The following TENM2 variants were observed in gnomAD, a reference collection of about 807,000 sequenced individuals.
TENM2 encodes teneurin-2.
In TENM2, 52 loss-of-function variants were observed where a neutral mutation model predicts 245.2. The observed-to-expected ratio is 0.21, with a 90% CI of 0.17 to 0.27. TENM2 has a LOEUF of 0.27. Ranked by LOEUF, TENM2 falls within the 10% of genes least tolerant of loss-of-function variation. The pLI is 1.00. For missense variants in TENM2, 3,046 were observed against 3,666.8 expected (o/e 0.83, Z 4.37); for synonymous variants, 1,363 against 1,438.9 (o/e 0.95, Z 1.19).
intron 23 of TENM2, among the ~76,000 whole-genome samples, chr5:168,223,260 G>T (rs1763827663): frequency 1.3e-5 from 2 of 152,284 alleles, no homozygotes; most frequent in South Asian, 4.1e-4. Flanking sequence ...CCTATGCATT[G>T]TAAGTGTCCC....
chr5:167,409,400 T>G (rs556077557), intron 2 of TENM2, among the ~76,000 whole-genome samples: 10 of 152,108 alleles, frequency 6.6e-5, no homozygotes, highest in African/African-American at 2.2e-4. Context: ...CAAGGAACTT[T>G]CATATCCTGA....
intron 2 of TENM2, among the ~76,000 whole-genome samples, chr5:167,866,830 T>C (rs926418463): frequency 6.6e-6 from 1 of 152,162 alleles, no homozygotes; most frequent in Non-Finnish European, 1.5e-5. Flanking sequence ...CTGTCCAACA[T>C]GGTAGCCACT....
At chr5:167,145,253 T>C in the TENM2 span, among the ~76,000 whole-genome samples, 6 of 152,346 alleles carry the variant, frequency 3.9e-5, no homozygotes, top group Admixed American at 3.9e-4. Flanking sequence ...TATTACTCAA[T>C]CAGCGCAGAG....
At chr5:167,777,337 A>G (rs987279886) in intron 2 of TENM2, among the ~76,000 whole-genome samples, 2 of 152,214 alleles carry the variant, frequency 1.3e-5, no homozygotes, top group African/African-American at 4.8e-5. Context: ...CTTTTCCTAT[A>G]TTATTTAAAT....
chr5:167,832,203 G>C (rs1010033189), intron 2 of TENM2, among the ~76,000 whole-genome samples: 3 of 152,196 alleles, frequency 2.0e-5, no homozygotes, highest in Non-Finnish European at 4.4e-5. Flanking sequence ...AAAGAGGAAA[G>C]TATTTAGAGG....
intron 1 of TENM2, among the ~76,000 whole-genome samples, chr5:167,343,925 A>T (rs989286971): frequency 6.6e-6 from 1 of 152,006 alleles, no homozygotes; most frequent in Admixed American, 6.6e-5. Flanking sequence ...TACCACCATC[A>T]TAAGATATAT....
intron 2 of TENM2, among the ~76,000 whole-genome samples, chr5:167,664,753 G>A (rs1305527492): frequency 6.6e-6 from 1 of 152,168 alleles, no homozygotes; most frequent in African/African-American, 2.4e-5. Context: ...TCAGTATTTT[G>A]TCTTTTATAG....
intron 13 of TENM2, among the ~76,000 whole-genome samples, chr5:168,178,860 C>A (rs1308786872): frequency 1.3e-5 from 2 of 152,000 alleles, no homozygotes; most frequent in Non-Finnish European, 2.9e-5. Flanking sequence ...CACTTTAATT[C>A]CAGCACTGTA....
At chr5:167,950,628 A>T (rs1780011054) in intron 3 of TENM2, among the ~76,000 whole-genome samples, 1 of 152,184 alleles carries the variant, frequency 6.6e-6, no homozygotes, top group African/African-American at 2.4e-5. Flanking sequence ...AGAGGGGGAA[A>T]GAAAGGCATG....
At chr5:168,234,873 A>G (rs184370545) in intron 25 of TENM2, among the ~76,000 whole-genome samples, 1 of 152,362 alleles carries the variant, frequency 6.6e-6, no homozygotes, top group East Asian at 1.9e-4. Context: ...ATAATCTTCC[A>G]TCATGATATT....
chr5:167,911,407 G>A (rs1207408754), intron 3 of TENM2, among the ~76,000 whole-genome samples: 2 of 152,114 alleles, frequency 1.3e-5, no homozygotes, highest in African/African-American at 2.4e-5. Context: ...GGCGCCTGTA[G>A]TCCCAGCTAC....
chr5:168,051,646 T>C (rs1300927265), intron 6 of TENM2, among the ~76,000 whole-genome samples: 1 of 152,174 alleles, frequency 6.6e-6, no homozygotes, highest in Non-Finnish European at 1.5e-5. Context: ...CATTGGAAGA[T>C]GCACTATAAT....
intron 5 of TENM2, among the ~76,000 whole-genome samples, chr5:168,001,953 A>G (rs75437447): frequency 0.027 from 4,154 of 152,354 alleles, 194 homozygotes; most frequent in African/African-American, 0.094. Flanking sequence ...TGGCATTAAT[A>G]AGTAAATATC....
At chr5:168,224,348 C>T (rs1410603709) in intron 23 of TENM2, among the ~76,000 whole-genome samples, 1 of 152,148 alleles carries the variant, frequency 6.6e-6, no homozygotes, top group African/African-American at 2.4e-5. Flanking sequence ...GATCTCCCTC[C>T]TCTCTCCCCC....
At chr5:167,775,385 AT>A (rs1221997349) in intron 2 of TENM2, among the ~76,000 whole-genome samples, 1 of 152,210 alleles carries the variant, frequency 6.6e-6, no homozygotes, top group Non-Finnish European at 1.5e-5. Context: ...TTGGAAAAAA[AT>A]ATCATGAGAT....
intron 2 of TENM2, among the ~76,000 whole-genome samples, chr5:167,622,655 T>G (rs1011186366): frequency 9.2e-5 from 14 of 152,120 alleles, no homozygotes; most frequent in Non-Finnish European, 1.9e-4. Context: ...AGGTACATTG[T>G]GTTTTTGAAA....
intron 2 of TENM2, among the ~76,000 whole-genome samples, chr5:167,387,789 C>T (rs1404858680): frequency 1.3e-5 from 2 of 151,896 alleles, no homozygotes; most frequent in African/African-American, 4.8e-5. Context: ...GTGATTTTTG[C>T]TTATAATTCT....
At chr5:168,180,802 T>G (rs1468058887) in intron 13 of TENM2, among the ~76,000 whole-genome samples, 1 of 151,912 alleles carries the variant, frequency 6.6e-6, no homozygotes, top group Non-Finnish European at 1.5e-5. Context: ...CTCAGGAGAC[T>G]AAGGCAGGAG....
the TENM2 span, among the ~76,000 whole-genome samples, chr5:167,058,913 G>T: frequency 6.6e-6 from 1 of 152,132 alleles, no homozygotes; most frequent in Admixed American, 6.6e-5. Flanking sequence ...ACTCACTTGG[G>T]ATCTACAAGA....
Sources: allele counts gnomAD v4.1 joint callset (sites outside exome capture counted in the v4.1 genomes callset), GRCh38; gene constraint gnomAD v4.1.1; transcripts MANE v1.5; gene names NCBI Gene and HGNC (gene_info 2026-07-23, HGNC 2026-07-21).